Variants in ENTREP2 observed in about 807,000 individuals in gnomAD.
The protein encoded by ENTREP2 is protein ENTREP2.
At chr15:29,611,060 CGTCCTTTAT>C in the ENTREP2 span, 7 of 152,216 alleles carry the variant, frequency 4.6e-5, no homozygotes, top group Admixed American at 3.9e-4. Context: ...AAATTGCTCC[CGTCCTTTAT>C]GTCTCTTTAG....
At chr15:29,539,716 T>C in the ENTREP2 span, among the ~76,000 whole-genome samples, 63 of 152,252 alleles carry the variant, frequency 4.1e-4, no homozygotes, top group African/African-American at 1.4e-3. Flanking sequence ...AAATGGCATT[T>C]ACCTAAACAA....
chr15:29,330,951 C>T, the ENTREP2 span, among the ~76,000 whole-genome samples: 1 of 152,126 alleles, frequency 6.6e-6, no homozygotes, highest in African/African-American at 2.4e-5. Flanking sequence ...CACACCCCAC[C>T]CCACAGTAAG....
the ENTREP2 span, among the ~76,000 whole-genome samples, chr15:29,232,347 C>CATATGAGT: frequency 6.6e-6 from 1 of 152,134 alleles, no homozygotes; most frequent in East Asian, 1.9e-4. Flanking sequence ...TTACTATTGA[C>CATATGAGT]ATATGAGTCA....
At chr15:29,426,346 A>C in the ENTREP2 span, among the ~76,000 whole-genome samples, 1 of 152,324 alleles carries the variant, frequency 6.6e-6, no homozygotes, top group Admixed American at 6.5e-5. Flanking sequence ...TATGGATTAA[A>C]ATCTAGTATT....
At chr15:29,182,315 G>A in the ENTREP2 span, among the ~76,000 whole-genome samples, 10 of 151,716 alleles carry the variant, frequency 6.6e-5, no homozygotes, top group East Asian at 7.8e-4. Context: ...TAGTAGAGAC[G>A]GGGGTTTCAC....
At chr15:29,143,053 A>G in the ENTREP2 span, among the ~76,000 whole-genome samples, 1 of 152,230 alleles carries the variant, frequency 6.6e-6, no homozygotes, top group Non-Finnish European at 1.5e-5. Context: ...ACAAGCATGC[A>G]TTATGCTAGT....
the ENTREP2 span, among the ~76,000 whole-genome samples, chr15:29,656,734 A>G: frequency 2.6e-5 from 4 of 152,180 alleles, no homozygotes; most frequent in Non-Finnish European, 5.9e-5. Context: ...AGACTCTCTC[A>G]TATCTTATCT....
the ENTREP2 span, among the ~76,000 whole-genome samples, chr15:29,596,064 T>C: frequency 1.3e-5 from 2 of 152,210 alleles, no homozygotes; most frequent in African/African-American, 4.8e-5. Context: ...GCAGTAGGTA[T>C]GCTCATTGCT....
At chr15:29,192,562 G>A in the ENTREP2 span, among the ~76,000 whole-genome samples, 2,247 of 152,296 alleles carry the variant, frequency 0.015, 35 homozygotes, top group Middle Eastern at 0.031. Context: ...AGAGACATGA[G>A]CACTTACCTG....
At chr15:29,135,740 C>T in the ENTREP2 span, among the ~76,000 whole-genome samples, 1 of 152,176 alleles carries the variant, frequency 6.6e-6, no homozygotes, top group Non-Finnish European at 1.5e-5. This position sits in a 1 kb window ranked among gnomAD's most constrained non-coding sequence, Gnocchi z 7.4. Context: ...TGCAGGAGTG[C>T]CTGGCATGCC....
the ENTREP2 span, among the ~76,000 whole-genome samples, chr15:29,524,425 G>A: frequency 3.9e-5 from 6 of 152,154 alleles, no homozygotes; most frequent in South Asian, 6.2e-4. Context: ...GTAATGTTAC[G>A]GGCAGGTCTT....
chr15:29,652,071 G>A, the ENTREP2 span, among the ~76,000 whole-genome samples: 1 of 152,158 alleles, frequency 6.6e-6, no homozygotes, highest in Admixed American at 6.5e-5. Flanking sequence ...CCCACCCTGA[G>A]GCCCATAAAA....
the ENTREP2 span, among the ~76,000 whole-genome samples, chr15:29,157,964 G>A: frequency 1.8e-4 from 28 of 152,030 alleles, no homozygotes; most frequent in African/African-American, 6.8e-4. Flanking sequence ...TGATCCAGCC[G>A]CCTTGGCCTC....
chr15:29,390,787 G>C, the ENTREP2 span, among the ~76,000 whole-genome samples: 3 of 152,176 alleles, frequency 2.0e-5, no homozygotes, highest in Admixed American at 2.0e-4. Flanking sequence ...AGATCATAAA[G>C]TCTGGTCCAA....
chr15:29,572,406 G>T, the ENTREP2 span, among the ~76,000 whole-genome samples: 1 of 152,212 alleles, frequency 6.6e-6, no homozygotes, highest in Non-Finnish European at 1.5e-5. Flanking sequence ...TTAAGAGCTT[G>T]AAACAATACA....
the ENTREP2 span, among the ~76,000 whole-genome samples, chr15:29,330,745 C>A: frequency 0.32 from 48,370 of 152,100 alleles, 10,789 homozygotes; most frequent in African/African-American, 0.64. Context: ...ATGGACTTTA[C>A]ATAATCATAA....
chr15:29,315,128 T>A, the ENTREP2 span, among the ~76,000 whole-genome samples: 2 of 152,200 alleles, frequency 1.3e-5, no homozygotes, highest in Non-Finnish European at 2.9e-5. Flanking sequence ...TATTCTTGGA[T>A]AAGAAGATAC....
chr15:29,387,702 C>T, the ENTREP2 span, among the ~76,000 whole-genome samples: 1 of 152,140 alleles, frequency 6.6e-6, no homozygotes, highest in Admixed American at 6.6e-5. Context: ...AGGCATCACA[C>T]TACCTGACTT....
the ENTREP2 span, chr15:29,268,035 G>A: frequency 6.6e-6 from 1 of 152,122 alleles, no homozygotes; most frequent in Non-Finnish European, 1.5e-5. Flanking sequence ...TCACACAAAA[G>A]TGAAACAACT....
Sources: allele counts gnomAD v4.1 joint callset (sites outside exome capture counted in the v4.1 genomes callset), GRCh38; gene constraint gnomAD v4.1.1; non-coding constraint Gnocchi (gnomAD v3.1); transcripts MANE v1.5; gene names NCBI Gene and HGNC (gene_info 2026-07-23, HGNC 2026-07-21).